Variants in NXPE2 observed in about 807,000 individuals in gnomAD.
NXPE2 encodes neurexophilin and PC-esterase domain family member 2.
NXPE2 carries 34 observed loss-of-function variants against 34.4 expected under a neutral mutation model. The ratio of observed to expected loss-of-function variants is 0.99; its 90% CI spans 0.75 to 1.31. The LOEUF (loss-of-function observed/expected upper bound fraction) is 1.31. NXPE2 is among the 40% of genes most tolerant of loss of function. The pLI, the probability that NXPE2 is intolerant of heterozygous loss-of-function variation, is 0.00. For missense variants in NXPE2, 649 were observed against 672.5 expected (o/e 0.97, Z 0.39); for synonymous variants, 235 against 231.3 (o/e 1.02, Z -0.15).
At chr11:114,543,492 GC>G in the NXPE2 span, among the ~76,000 whole-genome samples, 1 of 150,696 alleles carries the variant, frequency 6.6e-6, no homozygotes, top group South Asian at 2.1e-4. Flanking sequence ...CTGCACTCCA[GC>G]CTGGGGTACA....
the NXPE2 span, among the ~76,000 whole-genome samples, chr11:114,672,194 C>G: frequency 1.2e-4 from 18 of 151,898 alleles, no homozygotes; most frequent in African/African-American, 3.6e-4. Context: ...CTGGGAATTA[C>G]AATTCAACAG....
At chr11:114,577,850 G>A in the NXPE2 span, among the ~76,000 whole-genome samples, 1 of 152,040 alleles carries the variant, frequency 6.6e-6, no homozygotes, top group Non-Finnish European at 1.5e-5. Context: ...GTACTTCTGT[G>A]TTTCCTTCAC....
chr11:114,791,594 G>A, the NXPE2 span, among the ~76,000 whole-genome samples: 1 of 152,198 alleles, frequency 6.6e-6, no homozygotes, highest in Non-Finnish European at 1.5e-5. Context: ...TCAGACCCTG[G>A]GGAGAGGAAG....
chr11:114,574,939 C>G, the NXPE2 span, among the ~76,000 whole-genome samples: 64 of 152,146 alleles, frequency 4.2e-4, 1 homozygote, highest in Non-Finnish European at 7.4e-4. Context: ...TGCTAAAATC[C>G]TCACCAAAAT....
the NXPE2 span, among the ~76,000 whole-genome samples, chr11:114,736,550 T>C: frequency 6.6e-6 from 1 of 152,222 alleles, no homozygotes; most frequent in Non-Finnish European, 1.5e-5. Context: ...CCTGTTCTTT[T>C]TTCAAGGTGC....
the NXPE2 span, among the ~76,000 whole-genome samples, chr11:114,771,316 A>G: frequency 6.6e-6 from 1 of 150,644 alleles, no homozygotes; most frequent in African/African-American, 2.5e-5. Flanking sequence ...AGGGGAGACA[A>G]ATGTCTGACA....
the NXPE2 span, among the ~76,000 whole-genome samples, chr11:114,771,349 C>A: frequency 6.7e-6 from 1 of 149,496 alleles, no homozygotes; most frequent in African/African-American, 2.5e-5. Flanking sequence ...AGTGACAGCA[C>A]AAGGATATTC....
At chr11:114,788,728 T>C in the NXPE2 span, among the ~76,000 whole-genome samples, 1 of 152,254 alleles carries the variant, frequency 6.6e-6, no homozygotes. Flanking sequence ...CCATTGTCTG[T>C]GAAGCTTTGC....
the NXPE2 span, among the ~76,000 whole-genome samples, chr11:114,663,817 A>G: frequency 6.6e-6 from 1 of 152,120 alleles, no homozygotes; most frequent in Non-Finnish European, 1.5e-5. Context: ...ATGGAGATGG[A>G]TCATCCAGAA....
intron 4 of NXPE2, 58 bp from the exon 5 acceptor site, chr11:114,705,723 T>G (rs1162311737): frequency 2.7e-6 from 3 of 1,104,678 alleles, no homozygotes; most frequent in African/African-American, 3.3e-5. Context: ...TGAGAAACAT[T>G]TTTCCAAAAT....
the NXPE2 span, among the ~76,000 whole-genome samples, chr11:114,470,492 T>C: frequency 1.3e-5 from 2 of 152,268 alleles, no homozygotes; most frequent in East Asian, 3.9e-4. Flanking sequence ...TTGTTATCTG[T>C]ATGTCTTCTT....
the NXPE2 span, among the ~76,000 whole-genome samples, chr11:114,636,013 T>C: frequency 1.3e-5 from 2 of 152,032 alleles, no homozygotes; most frequent in Non-Finnish European, 2.9e-5. Context: ...TCTTTTTCTA[T>C]TGATTGGAAT....
chr11:114,705,972 T>C lies in NXPE2; in HGVS notation c.1120T>C (p.Tyr374His). 1 of 1,431,262 alleles carries C rather than the reference T, an allele frequency of 7.0e-7. No homozygotes were observed. Among genetic ancestry groups the C allele is most frequent in the Non-Finnish European group, 9.2e-7 (1 of 1,088,700 alleles). 88.7% of individuals were successfully genotyped at this position (1,431,262 alleles called of 1,614,324 possible). The stretch of plus-strand genomic sequence containing the variant: ...AGATTCAACACTGCATCAGTGGATT[T>C]ACTACTTACAAAAAGCTGTGAAAAG... The part of the protein sequence containing the change: ...MGDSTLHQWI[Y>H]YLQKAVKTLK... The change falls in exon 5 of 6, where the codon TAC (tyrosine) becomes CAC (histidine). Residue 374 changes from tyrosine (Y) to histidine (H), a missense_variant. Coordinates refer to ENST00000389586, the MANE Select transcript of NXPE2 (RefSeq NM_182495.6).
the NXPE2 span, among the ~76,000 whole-genome samples, chr11:114,568,119 T>A: frequency 2.0e-5 from 3 of 152,190 alleles, no homozygotes; most frequent in South Asian, 6.2e-4. Context: ...AGAATTATCA[T>A]TCTGAATGTA....
the NXPE2 span, among the ~76,000 whole-genome samples, chr11:114,573,333 A>T: frequency 6.6e-6 from 1 of 152,148 alleles, no homozygotes; most frequent in South Asian, 2.1e-4. Context: ...CAAGTAGCAC[A>T]ATGAATAGAA....
the NXPE2 span, among the ~76,000 whole-genome samples, chr11:114,632,375 G>C: frequency 7.7e-6 from 1 of 129,494 alleles, no homozygotes; most frequent in Non-Finnish European, 1.6e-5. Context: ...ATTACATATA[G>C]TTATATATGA....
At chr11:114,760,005 T>C in the NXPE2 span, among the ~76,000 whole-genome samples, 1 of 150,762 alleles carries the variant, frequency 6.6e-6, no homozygotes, top group African/African-American at 2.4e-5. Flanking sequence ...ACACCCTTGA[T>C]TTTTTTTTTC....
At chr11:114,577,424 A>T in the NXPE2 span, among the ~76,000 whole-genome samples, 3 of 152,046 alleles carry the variant, frequency 2.0e-5, no homozygotes, top group African/African-American at 7.2e-5. Context: ...GGCGAGGGAT[A>T]AAAGACTATA....
the NXPE2 span, among the ~76,000 whole-genome samples, chr11:114,649,155 G>T: frequency 2.0e-5 from 3 of 151,364 alleles, no homozygotes; most frequent in African/African-American, 7.3e-5. Context: ...AACTGGTGGG[G>T]TGACCCAAAC....
Sources: allele counts gnomAD v4.1 joint callset (sites outside exome capture counted in the v4.1 genomes callset), GRCh38; gene constraint gnomAD v4.1.1; transcripts MANE v1.5; gene names NCBI Gene and HGNC (gene_info 2026-07-23, HGNC 2026-07-21).